Variants in MLXIPL observed in about 807,000 individuals in gnomAD.
The protein encoded by MLXIPL is MLX interacting protein like.
In MLXIPL, 49 loss-of-function variants were observed where a neutral mutation model predicts 81.5. The observed-to-expected ratio is 0.60, with a 90% CI of 0.48 to 0.76. The LOEUF is 0.76. MLXIPL is among the 30% of genes least tolerant of loss of function. The pLI is 0.00. For synonymous variants in MLXIPL, 466 were observed against 485.5 expected (o/e 0.96, Z 0.53); for missense variants, 1,053 against 1,167.0 (o/e 0.90, Z 1.42).
At chr7:73,624,135 GCCCCGGACCCCCC>G in intron 1 of MLXIPL, 52 bp downstream of exon 1, 1 of 1,352,936 alleles carries the variant, frequency 7.4e-7, no homozygotes. Context: ...GCGCAGTCCT[GCCCCGGACCCCCC>G]CCCCATCCCC....
chr7:73,605,418 G>A (rs113354009), intron 7 of MLXIPL, among the ~76,000 whole-genome samples: 3,749 of 152,212 alleles, frequency 0.025, 196 homozygotes, highest in African/African-American at 0.086. Flanking sequence ...AAAATTAGCC[G>A]GGTTTGGTGG....
Position 73,606,018 on chromosome 7 carries a change from C to T in MLXIPL, c.712G>A (p.Gly238Ser), listed in dbSNP as rs782778206. 10 of 1,587,582 alleles carry T rather than the reference C, an allele frequency of 6.3e-6. No individual in the cohort carries two copies. The highest frequency in any genetic ancestry group is 8.6e-6 in the Non-Finnish European group (10 of 1,166,768). ...VLLGDPEEEPGGRQLLDLNCF... is the reference protein window; with the variant it reads ...VLLGDPEEEPSGRQLLDLNCF... ...TTGAGGTCCAGGAGCTGCCGCCCAC[C>T]CGGCTCCTCCTCTGGGTCCCCCAGC... Residue 238 changes from glycine (G) to serine (S), a missense_variant, in exon 6 of 17, where the codon GGT becomes AGT. Gly to Ser is a moderately conservative substitution (Grantham distance 56). Coordinates refer to ENST00000313375, the MANE Select transcript of MLXIPL (RefSeq NM_032951.3).
chr7:73,605,273 G>C (rs1554597558), intron 7 of MLXIPL, among the ~76,000 whole-genome samples: 2 of 151,634 alleles, frequency 1.3e-5, no homozygotes, highest in African/African-American at 4.8e-5. Flanking sequence ...AAACCACCCA[G>C]ACCTGCCAGG....
At chr7:73,647,232 G>T in the MLXIPL span, among the ~76,000 whole-genome samples, 1 of 152,178 alleles carries the variant, frequency 6.6e-6, no homozygotes, top group Admixed American at 6.5e-5. Context: ...CCACCTGTTG[G>T]CTAGAAGCCT....
chr7:73,645,310 G>A, the MLXIPL span, among the ~76,000 whole-genome samples: 4 of 152,192 alleles, frequency 2.6e-5, no homozygotes, highest in African/African-American at 9.6e-5. Flanking sequence ...TTACAGGCTT[G>A]AGCCACTGCC....
At position 73,596,087 on chromosome 7, in the gene MLXIPL, T is replaced by TG; in HGVS notation, c.2058+65dup. ...GGAGCACTCCCCTGCAATTGAGTTT[T>TG]GGGTGGGGGGGGTCCAGAAAGGGGC... On this transcript the variant is annotated intron_variant, in intron 13 of 16. Coordinates refer to ENST00000313375, the MANE Select transcript of MLXIPL (RefSeq NM_032951.3). The surrounding 1 kb of genome is among the most constrained non-coding windows in gnomAD (Gnocchi z 4.7). 1 of 1,598,302 alleles carries TG rather than the reference T, an allele frequency of 6.3e-7. No homozygotes were observed. The highest frequency in any genetic ancestry group is 1.1e-5 in the South Asian group (1 of 90,366).
At chr7:73,612,599 A>G (rs2116422062) in intron 2 of MLXIPL, among the ~76,000 whole-genome samples, 1 of 149,574 alleles carries the variant, frequency 6.7e-6, no homozygotes, top group Non-Finnish European at 1.5e-5. Flanking sequence ...TCGAGAGCAC[A>G]CCATTGCACT....
chr7:73,617,457 A>G (rs1796071033), intron 1 of MLXIPL, among the ~76,000 whole-genome samples: 1 of 152,152 alleles, frequency 6.6e-6, no homozygotes, highest in South Asian at 2.1e-4. Context: ...ACAGAAGACA[A>G]TGAACCAACA....
chr7:73,602,079 C>T (rs1794878775), intron 7 of MLXIPL, among the ~76,000 whole-genome samples: 1 of 115,760 alleles, frequency 8.6e-6, no homozygotes, highest in Admixed American at 8.2e-5. Context: ...CACCTGCCTG[C>T]CTGCCTGCCT....
chr7:73,642,342 C>CTATT, the MLXIPL span, among the ~76,000 whole-genome samples: 7,083 of 151,602 alleles, frequency 0.047, 196 homozygotes, highest in Non-Finnish European at 0.063. Context: ...ATGGAGGTTT[C>CTATT]TATTTATTTA....
rs1796598733 is a variant in MLXIPL, at chr7:73,624,483, C to G, written c.10G>C (p.Ala4Pro). 2.0e-6 allele frequency: 3 copies of G among 1,528,116 alleles called. No homozygotes were observed. The highest frequency in any genetic ancestry group is 1.4e-5 in the African/African-American group (1 of 71,694). 94.7% of individuals were successfully genotyped at this position (1,528,116 alleles called of 1,614,324 possible). Residue 4 changes from alanine to proline, a missense_variant, in exon 1 of 17, where the codon GCG (alanine) becomes CCG (proline). By Grantham distance (27) the Ala-to-Pro change is conservative (BLOSUM62 -1). This residue lies in a region of MLXIPL where 226 missense variants were observed against 216.2 expected (regional missense o/e 1.05). Transcript: ENST00000313375. MAG[A>P]LAGLAAGLQV... ...AAGCCCGCGGCCAGACCTGCCAGCG[C>G]GCCGGCCATGGCTGTCGCCGCCGCA...
the MLXIPL span, among the ~76,000 whole-genome samples, chr7:73,632,531 C>T: frequency 2.6e-5 from 4 of 152,126 alleles, no homozygotes; most frequent in African/African-American, 9.7e-5. Flanking sequence ...TTATTTCCCT[C>T]GGCCACAACC....
At chr7:73,626,094 C>CAAACT (rs2116558348), upstream of MLXIPL, among the ~76,000 whole-genome samples, 1 of 151,770 alleles carries the variant, frequency 6.6e-6, no homozygotes, top group East Asian at 1.9e-4. Context: ...ACCTCTGCCT[C>CAAACT]CCTGGTTCAA....
rs1554593913 is a variant in MLXIPL, at chr7:73,596,454, G to A, written c.1848C>T (p.Asp616=). The stretch of plus-strand genomic sequence containing the variant: ...TCCCAGGGCCTGGCATGGAGCTGAG[G>A]TCCCCTGACAGCCGCCGTTCACTGC... ...PSGSERRLSG[D]LSSMPGPGTL... The change falls in exon 12 of 17, where the codon GAC becomes GAT. Residue 616 remains aspartate (D), a synonymous_variant. Transcript: ENST00000313375. The surrounding 1 kb of genome is among the most constrained non-coding windows in gnomAD (Gnocchi z 4.7). 1 of 1,612,858 alleles carries A rather than the reference G, an allele frequency of 6.2e-7. No individual in the cohort carries two copies. The highest frequency in any genetic ancestry group is 1.7e-5 in the Admixed American group (1 of 60,012).
intron 1 of MLXIPL, among the ~76,000 whole-genome samples, chr7:73,616,611 G>T (rs1391585788): frequency 2.6e-5 from 4 of 152,148 alleles, no homozygotes; most frequent in African/African-American, 9.7e-5. Context: ...ACTTTGCGGG[G>T]CCAAGGCGGG....
intron 1 of MLXIPL, among the ~76,000 whole-genome samples, chr7:73,622,293 C>G (rs1796433358): frequency 6.6e-6 from 1 of 151,866 alleles, no homozygotes; most frequent in Non-Finnish European, 1.5e-5. Flanking sequence ...GAGTTTGAGA[C>G]CAGCCTGGCC....
chr7:73,622,169 A>G (rs1554602414), intron 1 of MLXIPL, among the ~76,000 whole-genome samples: 1 of 151,516 alleles, frequency 6.6e-6, no homozygotes, highest in African/African-American at 2.4e-5. Context: ...GGTACTAGGA[A>G]TGTGCCATCA....
chr7:73,615,439 TG>T (rs1795951650), intron 2 of MLXIPL, among the ~76,000 whole-genome samples: 2 of 152,168 alleles, frequency 1.3e-5, no homozygotes, highest in Admixed American at 1.3e-4. Context: ...ACTATGCTAA[TG>T]GGATGCAAAA....
intron 2 of MLXIPL, among the ~76,000 whole-genome samples, chr7:73,608,638 T>G (rs1314450832): frequency 6.6e-6 from 1 of 150,984 alleles, no homozygotes; most frequent in Non-Finnish European, 1.5e-5. Flanking sequence ...GCCAGGGGCC[T>G]AGAGCCTTGG....
Sources: allele counts gnomAD v4.1 joint callset (sites outside exome capture counted in the v4.1 genomes callset), GRCh38; gene constraint gnomAD v4.1.1; regional missense constraint gnomAD v4.1.1; non-coding constraint Gnocchi (gnomAD v3.1); transcripts MANE v1.5; gene names NCBI Gene and HGNC (gene_info 2026-07-23, HGNC 2026-07-21).